The following TRDN variants were observed in gnomAD, a reference collection of about 807,000 sequenced individuals.
TRDN encodes the protein triadin in skeletal muscle.
Under a neutral mutation model 149.7 loss-of-function variants are expected in TRDN, and 161 were observed. That is an observed-to-expected ratio of 1.08 (90% confidence interval 0.95 to 1.23). The LOEUF is 1.23. TRDN is among the 50% of genes most tolerant of loss of function. TRDN has a pLI of 0.00. For missense variants in TRDN, 896 were observed against 823.5 expected, an observed-to-expected ratio of 1.09 and a Z score of -1.08; for synonymous variants, 294 against 250.5, an observed-to-expected ratio of 1.17 and a Z score of -1.64.
chr6:123,438,894 T>C (rs1416343972), intron 11 of TRDN, 50 bp downstream of exon 11: 2 of 1,396,336 alleles, frequency 1.4e-6, no homozygotes, highest in African/African-American at 1.5e-5. Context: ...AGTAGTATTA[T>C]GCATGGACAC....
intron 38 of TRDN, among the ~76,000 whole-genome samples, chr6:123,235,895 T>C (rs1400096787): frequency 1.3e-5 from 2 of 152,236 alleles, no homozygotes; most frequent in Non-Finnish European, 2.9e-5. Flanking sequence ...AGAAATATTC[T>C]GTTGTGTGGA....
intron 1 of TRDN, among the ~76,000 whole-genome samples, chr6:123,607,609 C>T (rs1032874518): frequency 2.0e-5 from 3 of 152,248 alleles, no homozygotes; most frequent in Non-Finnish European, 2.9e-5. Context: ...TGTGTTGCTG[C>T]AGCAAGATTT....
intron 1 of TRDN, among the ~76,000 whole-genome samples, chr6:123,604,243 T>A (rs1784414898): frequency 6.6e-6 from 1 of 152,202 alleles, no homozygotes; most frequent in Admixed American, 6.5e-5. Flanking sequence ...CACAGGCTGC[T>A]GTGGGAACAT....
intron 21 of TRDN, among the ~76,000 whole-genome samples, chr6:123,345,939 T>C (rs1157982238): frequency 1.3e-5 from 2 of 152,160 alleles, no homozygotes; most frequent in Admixed American, 6.6e-5. Context: ...TTCCAGGAAG[T>C]TTTTGGAATT....
intron 12 of TRDN, among the ~76,000 whole-genome samples, chr6:123,398,766 G>A (rs915233928): frequency 3.9e-5 from 6 of 152,182 alleles, no homozygotes; most frequent in Non-Finnish European, 7.3e-5. Flanking sequence ...GCCATCCTGT[G>A]TGACCAAGGG....
intron 39 of TRDN, among the ~76,000 whole-genome samples, chr6:123,223,696 C>CCTTCCTTA: frequency 6.8e-6 from 1 of 146,846 alleles, no homozygotes; most frequent in East Asian, 2.1e-4. Context: ...TTCCTTCCTT[C>CCTTCCTTA]CTTCCTTCCT....
chr6:123,572,709 A>G (rs1306660545), intron 1 of TRDN, among the ~76,000 whole-genome samples: 1 of 152,176 alleles, frequency 6.6e-6, no homozygotes, highest in Non-Finnish European at 1.5e-5. Context: ...AAGCAAAGTT[A>G]AAAAACATTT....
At chr6:123,371,831 TC>T (rs773070811) in intron 19 of TRDN, among the ~76,000 whole-genome samples, 10 of 152,114 alleles carry the variant, frequency 6.6e-5, no homozygotes, top group Non-Finnish European at 1.3e-4. Flanking sequence ...ATCTTACCTT[TC>T]CTGGTACTTA....
chr6:123,307,645 C>G (rs959951315), intron 24 of TRDN, among the ~76,000 whole-genome samples: 1 of 151,908 alleles, frequency 6.6e-6, no homozygotes, highest in Non-Finnish European at 1.5e-5. Flanking sequence ...TTGGCTTTGT[C>G]TCACTCATCT....
intron 10 of TRDN, among the ~76,000 whole-genome samples, chr6:123,460,727 AC>A (rs1478096829): frequency 6.6e-6 from 1 of 151,984 alleles, no homozygotes; most frequent in Non-Finnish European, 1.5e-5. Flanking sequence ...TGTAAATAAA[AC>A]CTTACTAGCT....
chr6:123,326,710 C>T (rs1228653652), intron 23 of TRDN, among the ~76,000 whole-genome samples: 1 of 151,840 alleles, frequency 6.6e-6, no homozygotes, highest in Non-Finnish European at 1.5e-5. Flanking sequence ...TATAAATTAA[C>T]CAAGAAGTAC....
intron 20 of TRDN, among the ~76,000 whole-genome samples, chr6:123,363,320 T>C (rs772625157): frequency 1.3e-5 from 2 of 152,194 alleles, no homozygotes; most frequent in South Asian, 2.1e-4. Flanking sequence ...TATTTTTTCA[T>C]GCACGGCTGA....
chr6:123,616,104 A>C (rs1382526640), intron 1 of TRDN, among the ~76,000 whole-genome samples: 1 of 152,152 alleles, frequency 6.6e-6, no homozygotes, highest in Non-Finnish European at 1.5e-5. Context: ...TAATCCTAGC[A>C]CTTTGGTATG....
chr6:123,410,255 T>A (rs996191086), intron 12 of TRDN, among the ~76,000 whole-genome samples: 7 of 151,918 alleles, frequency 4.6e-5, no homozygotes, highest in African/African-American at 1.7e-4. Flanking sequence ...GGCTGCGGAG[T>A]CCAAGAGCTG....
intron 29 of TRDN, among the ~76,000 whole-genome samples, chr6:123,271,805 G>A (rs1355288897): frequency 6.6e-6 from 1 of 152,022 alleles, no homozygotes; most frequent in Non-Finnish European, 1.5e-5. Flanking sequence ...TAAGTAGAAA[G>A]TTTCACTGGA....
At chr6:123,254,608 T>C (rs925016355) in intron 37 of TRDN, among the ~76,000 whole-genome samples, 56 of 152,126 alleles carry the variant, frequency 3.7e-4, no homozygotes, top group African/African-American at 1.3e-3. Flanking sequence ...ATTCTCTTTT[T>C]AAGAAAAAAA....
intron 5 of TRDN, among the ~76,000 whole-genome samples, chr6:123,527,689 T>C (rs1205071163): frequency 6.6e-6 from 1 of 151,786 alleles, no homozygotes; most frequent in Admixed American, 6.6e-5. Context: ...TGTTAAATTA[T>C]GGTTGGAAGT....
chr6:123,293,775 C>T (rs891370053), intron 24 of TRDN, among the ~76,000 whole-genome samples: 1 of 151,760 alleles, frequency 6.6e-6, no homozygotes, highest in African/African-American at 2.4e-5. Flanking sequence ...AGGGAGTCAC[C>T]TGTTGTCTTA....
At chr6:123,377,989 C>A (rs1781574074) in intron 16 of TRDN, 91 bp from the exon 17 acceptor site, 4 of 920,834 alleles carry the variant, frequency 4.3e-6, no homozygotes, top group Admixed American at 5.7e-5. Flanking sequence ...AAGAAACATG[C>A]ATGTGCTGAT....
Sources: gnomAD v4.1 joint callset for allele counts (sites outside exome capture counted in the v4.1 genomes callset) on GRCh38, gnomAD v4.1.1 for gene constraint, MANE v1.5 for transcripts, NCBI Gene and HGNC (gene_info 2026-07-23, HGNC 2026-07-21) for gene names.